VCF2: variants seen among roughly 807,000 people sequenced by gnomAD.
The protein encoded by VCF2 is protein VCF2.
At chrX:55,150,870 A>C in the VCF2 span, among the ~76,000 whole-genome samples, 1 of 111,781 alleles carries the variant, frequency 8.9e-6, no homozygotes, top group Non-Finnish European at 1.9e-5. Flanking sequence ...ACAGGAGTTA[A>C]TTACCCAGAT....
At chrX:55,160,936 C>T in the VCF2 span, 2 of 1,162,658 alleles carry the variant, frequency 1.7e-6, no homozygotes, top group Non-Finnish European at 2.3e-6. Flanking sequence ...GGGCGGGGCA[C>T]GAGGCAAGCA....
chrX:55,149,591 A>G, the VCF2 span, among the ~76,000 whole-genome samples: 2 of 111,816 alleles, frequency 1.8e-5, no homozygotes, highest in Non-Finnish European at 3.8e-5. Context: ...ATTTTGAGAG[A>G]TAAAATTAGT....
At chrX:55,146,332 AG>A in the VCF2 span, 1 of 1,174,670 alleles carries the variant, frequency 8.5e-7, no homozygotes, top group South Asian at 1.8e-5. Context: ...AAAGACAGAA[AG>A]GGGATTGCTA....
the VCF2 span, among the ~76,000 whole-genome samples, chrX:55,144,242 G>A: frequency 0.02 from 2,184 of 111,282 alleles, 27 homozygotes; most frequent in Admixed American, 0.066. Flanking sequence ...TCTGAATCCT[G>A]TTGTGTACAT....
the VCF2 span, among the ~76,000 whole-genome samples, chrX:55,152,375 C>T: frequency 1.3e-4 from 15 of 111,748 alleles, no homozygotes; most frequent in African/African-American, 4.9e-4. Flanking sequence ...TTGTTGTTTT[C>T]TTTCTCTCTT....
chrX:55,151,537 G>C, the VCF2 span, among the ~76,000 whole-genome samples: 1 of 72,652 alleles, frequency 1.4e-5, no homozygotes, highest in South Asian at 6.3e-4. Flanking sequence ...AAACAAAAGA[G>C]CGTGCACGGC....
At chrX:55,153,363 T>C in the VCF2 span, among the ~76,000 whole-genome samples, 1 of 105,345 alleles carries the variant, frequency 9.5e-6, no homozygotes, top group Admixed American at 1.0e-4. Flanking sequence ...TAATTTTTTT[T>C]TTTTTTTTTG....
chrX:55,153,161 C>G, the VCF2 span, among the ~76,000 whole-genome samples: 1 of 111,688 alleles, frequency 9.0e-6, no homozygotes, highest in Non-Finnish European at 1.9e-5. Flanking sequence ...ACCCCGACCA[C>G]CTTGAGCACA....
the VCF2 span, chrX:55,160,904 G>A: frequency 8.6e-7 from 1 of 1,160,700 alleles, no homozygotes; most frequent in Non-Finnish European, 1.1e-6. Context: ...AAGGCTTCGC[G>A]GGATTTTTTT....
At chrX:55,150,005 A>G in the VCF2 span, among the ~76,000 whole-genome samples, 2 of 112,157 alleles carry the variant, frequency 1.8e-5, no homozygotes, top group Non-Finnish European at 3.8e-5. Flanking sequence ...TAGTTGACAA[A>G]CTTTCCAAAA....
the VCF2 span, among the ~76,000 whole-genome samples, chrX:55,156,882 A>G: frequency 8.9e-6 from 1 of 112,490 alleles, no homozygotes; most frequent in South Asian, 3.7e-4. Flanking sequence ...ACATGTGGAC[A>G]TATTCAATTC....
chrX:55,150,230 A>C, the VCF2 span, among the ~76,000 whole-genome samples: 1 of 111,989 alleles, frequency 8.9e-6, no homozygotes, highest in Non-Finnish European at 1.9e-5. Flanking sequence ...ATGTCTTGGT[A>C]CATGTCAGCA....
At chrX:55,152,410 G>C in the VCF2 span, among the ~76,000 whole-genome samples, 1 of 111,008 alleles carries the variant, frequency 9.0e-6, no homozygotes, top group Non-Finnish European at 1.9e-5. Flanking sequence ...TTTTGTCATA[G>C]AACATGATAC....
the VCF2 span, chrX:55,145,624 C>T: frequency 1.3e-6 from 1 of 756,346 alleles, no homozygotes; most frequent in Non-Finnish European, 1.6e-6. Flanking sequence ...GGAATACTAA[C>T]TTATGGTTTT....
chrX:55,157,442 A>G, the VCF2 span, among the ~76,000 whole-genome samples: 4 of 112,029 alleles, frequency 3.6e-5, no homozygotes, highest in South Asian at 1.5e-3. Context: ...CTGAAGCACC[A>G]GAATCGCTTG....
chrX:55,160,020 A>G, the VCF2 span, among the ~76,000 whole-genome samples: 1 of 111,865 alleles, frequency 8.9e-6, no homozygotes, highest in Non-Finnish European at 1.9e-5. Context: ...ATCAATTCTC[A>G]TCTCTAGGAG....
chrX:55,149,553 A>G, the VCF2 span, among the ~76,000 whole-genome samples: 4 of 111,283 alleles, frequency 3.6e-5, no homozygotes, highest in African/African-American at 1.3e-4. Context: ...ATCATGGAAG[A>G]GGTGGGTGTG....
the VCF2 span, among the ~76,000 whole-genome samples, chrX:55,144,590 ATGTGTGTGTGTG>A: frequency 2.0e-4 from 21 of 106,717 alleles, no homozygotes; most frequent in Non-Finnish European, 3.9e-5. Flanking sequence ...AACCATGAAA[ATGTGTGTGTGTG>A]TGTGTGTGTG....
chrX:55,145,511 G>A, the VCF2 span: 3 of 754,673 alleles, frequency 4.0e-6, no homozygotes, highest in Non-Finnish European at 4.7e-6. Flanking sequence ...GGGTCTGATT[G>A]TTGCCATTAC....
Sources: allele counts gnomAD v4.1 joint callset (sites outside exome capture counted in the v4.1 genomes callset), GRCh38; gene constraint gnomAD v4.1.1; transcripts MANE v1.5; gene names NCBI Gene and HGNC (gene_info 2026-07-23, HGNC 2026-07-21).